Variants in NEMP2 observed in about 807,000 individuals in gnomAD.
NEMP2 encodes the protein UPF0571 transmembrane protein.
NEMP2 carries 53 observed loss-of-function variants against 54.2 expected under a neutral mutation model. The ratio of observed to expected loss-of-function variants is 0.98; its 90% CI spans 0.78 to 1.23. The LOEUF is 1.23. Ranked by LOEUF, NEMP2 falls within the 50% of genes most tolerant of loss-of-function variation. NEMP2 has a pLI of 0.00. For missense variants in NEMP2, 455 were observed against 511.3 expected (o/e 0.89, Z 1.06); for synonymous variants, 197 against 190.3 (o/e 1.04, Z -0.29).
the NEMP2 span, among the ~76,000 whole-genome samples, chr2:190,443,288 T>C: frequency 3.9e-5 from 6 of 152,224 alleles, no homozygotes; most frequent in Non-Finnish European, 8.8e-5. The surrounding 1 kb of genome is among the most constrained non-coding windows in gnomAD (Gnocchi z 4.2). Context: ...CTATATGGCC[T>C]TGGACAAGTT....
At chr2:190,543,241 G>A in the NEMP2 span, among the ~76,000 whole-genome samples, 2 of 152,176 alleles carry the variant, frequency 1.3e-5, no homozygotes, top group East Asian at 1.9e-4. The surrounding 1 kb of genome is among the most constrained non-coding windows in gnomAD (Gnocchi z 4.7). Flanking sequence ...TGTGCCCAGG[G>A]TACCTGTGGA....
chr2:190,614,929 C>T, the NEMP2 span, among the ~76,000 whole-genome samples: 16 of 152,222 alleles, frequency 1.1e-4, no homozygotes, highest in East Asian at 1.2e-3. The surrounding 1 kb of genome is among the most constrained non-coding windows in gnomAD (Gnocchi z 5.7). Flanking sequence ...GGGTTTAAGC[C>T]GTGAAGGAGA....
chr2:190,588,048 T>C, the NEMP2 span, among the ~76,000 whole-genome samples: 2 of 152,170 alleles, frequency 1.3e-5, no homozygotes, highest in Non-Finnish European at 2.9e-5. The surrounding 1 kb of genome is among the most constrained non-coding windows in gnomAD (Gnocchi z 5.0). Context: ...AGGCTTTGGG[T>C]AAGTAAAGCT....
At chr2:190,474,414 A>G in the NEMP2 span, among the ~76,000 whole-genome samples, 2 of 152,218 alleles carry the variant, frequency 1.3e-5, no homozygotes, top group Non-Finnish European at 2.9e-5. Flanking sequence ...AATACAAACT[A>G]CCATCAGAGA....
the NEMP2 span, among the ~76,000 whole-genome samples, chr2:190,434,848 T>G: frequency 6.6e-6 from 1 of 152,326 alleles, no homozygotes; most frequent in East Asian, 1.9e-4. The surrounding 1 kb of genome is among the most constrained non-coding windows in gnomAD (Gnocchi z 4.3). Context: ...GCTACCACTC[T>G]GTGGCCTGTT....
chr2:190,586,838 C>T, the NEMP2 span, among the ~76,000 whole-genome samples: 1 of 152,128 alleles, frequency 6.6e-6, no homozygotes, highest in African/African-American at 2.4e-5. This position sits in a 1 kb window ranked among gnomAD's most constrained non-coding sequence, Gnocchi z 4.5. Context: ...CATCCTGATT[C>T]AACAATTATC....
At chr2:190,604,888 C>T in the NEMP2 span, among the ~76,000 whole-genome samples, 64 of 152,282 alleles carry the variant, frequency 4.2e-4, no homozygotes, top group Non-Finnish European at 7.4e-4. The surrounding 1 kb of genome is among the most constrained non-coding windows in gnomAD (Gnocchi z 4.5). Flanking sequence ...TGACCAAAAC[C>T]GAACGTAAAA....
At chr2:190,440,928 G>C in the NEMP2 span, among the ~76,000 whole-genome samples, 1 of 152,186 alleles carries the variant, frequency 6.6e-6, no homozygotes, top group Admixed American at 6.5e-5. Flanking sequence ...AACCAGAACA[G>C]ATAGCAAGAT....
At position 190,525,174 on chromosome 2, in the gene NEMP2, T is replaced by C. The variant is rs141736409; in HGVS notation, c.213+89A>G. 69 of 717,294 alleles carry C rather than the reference T, an allele frequency of 9.6e-5. No homozygotes were observed. The East Asian group carries it at 1.2e-3, about 12-fold the overall frequency. The allele number at this position is 717,294 out of a possible 1,614,324, so 44.4% of individuals were successfully genotyped here. A position where few individuals can be genotyped will look rare whatever the true frequency, so the allele number is the denominator to read the frequency against. On this transcript the variant is annotated intron_variant, in intron 2 of 8. Coordinates refer to ENST00000409150, the MANE Select transcript of NEMP2 (RefSeq NM_001142645.2). The surrounding 1 kb of genome is among the most constrained non-coding windows in gnomAD (Gnocchi z 5.0). ...ACACAGATCTGTGTCATACCAAAAA[T>C]ACTTTCTATTCCTGAAGTGGTACAT...
the NEMP2 span, among the ~76,000 whole-genome samples, chr2:190,486,624 C>T: frequency 3.3e-5 from 5 of 152,130 alleles, no homozygotes; most frequent in African/African-American, 9.7e-5. Flanking sequence ...ATGTTTTGTC[C>T]GGTTTTTTAG....
At chr2:190,468,580 G>A in the NEMP2 span, among the ~76,000 whole-genome samples, 2 of 150,856 alleles carry the variant, frequency 1.3e-5, no homozygotes, top group Non-Finnish European at 2.9e-5. Context: ...AGCCTCCCAA[G>A]TAGCTGGGAC....
the NEMP2 span, among the ~76,000 whole-genome samples, chr2:190,545,468 CGTTTA>C: frequency 2.6e-5 from 4 of 152,144 alleles, no homozygotes; most frequent in African/African-American, 9.7e-5. Context: ...AGCAGATATC[CGTTTA>C]GTTTAAGTTA....
At chr2:190,438,473 A>C in the NEMP2 span, among the ~76,000 whole-genome samples, 1 of 152,172 alleles carries the variant, frequency 6.6e-6, no homozygotes, top group Admixed American at 6.5e-5. The surrounding 1 kb of genome is among the most constrained non-coding windows in gnomAD (Gnocchi z 5.2). Flanking sequence ...TCAAGATCAC[A>C]CCACTGCACA....
the NEMP2 span, among the ~76,000 whole-genome samples, chr2:190,633,045 C>T: frequency 6.6e-6 from 1 of 152,156 alleles, no homozygotes; most frequent in Non-Finnish European, 1.5e-5. Flanking sequence ...CCTTGTCCTG[C>T]AATGCCTTCC....
At chr2:190,442,102 AG>A in the NEMP2 span, among the ~76,000 whole-genome samples, 1 of 152,246 alleles carries the variant, frequency 6.6e-6, no homozygotes, top group Non-Finnish European at 1.5e-5. Flanking sequence ...TGATTCCTTA[AG>A]GGAGGATTAA....
chr2:190,562,854 C>T, the NEMP2 span, among the ~76,000 whole-genome samples: 1 of 152,136 alleles, frequency 6.6e-6, no homozygotes, highest in South Asian at 2.1e-4. The surrounding 1 kb of genome is among the most constrained non-coding windows in gnomAD (Gnocchi z 5.0). Context: ...TTACCTCAAC[C>T]TTGAGTTTTC....
At chr2:190,544,745 A>C in the NEMP2 span, among the ~76,000 whole-genome samples, 1 of 152,102 alleles carries the variant, frequency 6.6e-6, no homozygotes, top group East Asian at 1.9e-4. Flanking sequence ...CTAAGAGTAC[A>C]TTTAAGGTAA....
At chr2:190,461,845 AT>A in the NEMP2 span, among the ~76,000 whole-genome samples, 10 of 149,836 alleles carry the variant, frequency 6.7e-5, no homozygotes, top group South Asian at 2.1e-4. This position sits in a 1 kb window ranked among gnomAD's most constrained non-coding sequence, Gnocchi z 5.5. Flanking sequence ...ACCAGTTTTA[AT>A]TTTTTTTTTA....
At chr2:190,543,989 A>G in the NEMP2 span, among the ~76,000 whole-genome samples, 6 of 152,240 alleles carry the variant, frequency 3.9e-5, no homozygotes. This position sits in a 1 kb window ranked among gnomAD's most constrained non-coding sequence, Gnocchi z 4.7. Context: ...TAGGTAGAAC[A>G]TTTAATTAAG....
Sources: allele counts gnomAD v4.1 joint callset (sites outside exome capture counted in the v4.1 genomes callset), GRCh38; gene constraint gnomAD v4.1.1; non-coding constraint Gnocchi (gnomAD v3.1); transcripts MANE v1.5; gene names NCBI Gene and HGNC (gene_info 2026-07-23, HGNC 2026-07-21).